Variants in CABP1 observed in about 807,000 individuals in gnomAD.
The protein encoded by CABP1 is calcium binding protein 1, also known as calcium-binding protein 1.
A neutral mutation model predicts 34.3 loss-of-function variants in CABP1; 17 were observed. That is an observed-to-expected ratio of 0.50 (90% CI 0.34 to 0.74). CABP1 has a LOEUF of 0.74. CABP1 is among the 30% of genes least tolerant of loss of function. The pLI is 0.01. For synonymous variants in CABP1, 198 were observed against 229.2 expected (o/e 0.86, Z 1.23); for missense variants, 373 against 511.1 (o/e 0.73, Z 2.61).
In CABP1 at chr12:120,660,345, TC is replaced by T; in HGVS notation, c.829+9del. On this transcript the variant is annotated splice_region_variant and intron_variant, in intron 3 of 5. Transcript: ENST00000316803. The surrounding 1 kb of genome is among the most constrained non-coding windows in gnomAD (Gnocchi z 5.0). ...CCAGCAGATCAACATGAACCGTGAGTCCCTCTACCAGGCATCTGCGTCCCTT... is the reference window on the plus strand; with the variant it reads ...CCAGCAGATCAACATGAACCGTGAGTCCTCTACCAGGCATCTGCGTCCCTT... 6.2e-7 allele frequency: 1 copy of T among 1,611,232 alleles called. No individual in the cohort carries two copies. The highest frequency in any genetic ancestry group is 1.1e-5 in the South Asian group (1 of 91,014).
intron 5 of CABP1, among the ~76,000 whole-genome samples, chr12:120,664,392 A>C (rs1736824667): frequency 1.3e-5 from 2 of 152,194 alleles, no homozygotes; most frequent in South Asian, 4.1e-4. Context: ...CCACCAGGTG[A>C]GAGGGAAGGG....
At chr12:120,678,301 C>T in the CABP1 span, among the ~76,000 whole-genome samples, 1 of 152,174 alleles carries the variant, frequency 6.6e-6, no homozygotes, top group Non-Finnish European at 1.5e-5. Flanking sequence ...AGACACAACC[C>T]TTTTCAGTTT....
At chr12:120,675,990 C>T in the CABP1 span, among the ~76,000 whole-genome samples, 2 of 152,104 alleles carry the variant, frequency 1.3e-5, no homozygotes, top group African/African-American at 2.4e-5. Context: ...GCAGGGGAAT[C>T]GCTTGAACCT....
intron 1 of CABP1, among the ~76,000 whole-genome samples, chr12:120,651,936 T>A (rs473121): frequency 6.6e-6 from 1 of 152,030 alleles, no homozygotes; most frequent in East Asian, 1.9e-4. Flanking sequence ...ATAGGTTCCA[T>A]CCAGAGCTTG....
chr12:120,680,641 A>G, the CABP1 span, among the ~76,000 whole-genome samples: 1 of 151,788 alleles, frequency 6.6e-6, no homozygotes, highest in Non-Finnish European at 1.5e-5. Context: ...GGGGACTGAC[A>G]CTCTTCTCAG....
Position 120,641,407 on chromosome 12 carries a change from C to G in CABP1, c.654+68C>G. On this transcript the variant is annotated intron_variant, in intron 1 of 5. Coordinates refer to ENST00000316803, the MANE Select transcript of CABP1 (RefSeq NM_001033677.2). The surrounding 1 kb of genome is among the most constrained non-coding windows in gnomAD (Gnocchi z 6.7). ...CGGGACCCTGCCGGCCGCGGTTGCG[C>G]GTCCACAGCCTCCTCCCGCGGCCCG... is the stretch of plus-strand genomic sequence containing the variant. 8.1e-7 allele frequency: 1 copy of G among 1,236,944 alleles called. No homozygotes were observed. The allele number at this position is 1,236,944 out of a possible 1,614,324, so 76.6% of individuals were successfully genotyped here. A position where few individuals can be genotyped will look rare whatever the true frequency, so the allele number is the denominator to read the frequency against.
At chr12:120,677,355 T>C in the CABP1 span, among the ~76,000 whole-genome samples, 2 of 149,696 alleles carry the variant, frequency 1.3e-5, no homozygotes, top group Non-Finnish European at 3.0e-5. Context: ...CCTAAAGTGC[T>C]GGGATTACAG....
In CABP1 at chr12:120,656,421, G is replaced by T. The variant is rs11836931; in HGVS notation, c.655-3457G>T. ...TTTCCACTCATGGCTACAAAGTGCTGGTGAGTCCATATCCACGAGCAAAAT... is the reference window on the plus strand; with the variant it reads ...TTTCCACTCATGGCTACAAAGTGCTTGTGAGTCCATATCCACGAGCAAAAT... On this transcript the variant is annotated intron_variant, in intron 1 of 5. Coordinates refer to ENST00000316803, the MANE Select transcript of CABP1 (RefSeq NM_001033677.2). The T allele has an allele frequency of 1.8e-5, 11 of 611,720 alleles. No individual in the cohort carries two copies. The African/African-American group carries it at 2.0e-4, about 11-fold the overall frequency. The allele number at this position is 611,720 out of a possible 1,614,324, so 37.9% of individuals were successfully genotyped here. A position where few individuals can be genotyped will look rare whatever the true frequency, so the allele number is the denominator to read the frequency against.
chr12:120,651,234 T>C (rs1879826140), intron 1 of CABP1, among the ~76,000 whole-genome samples: 1 of 152,208 alleles, frequency 6.6e-6, no homozygotes, highest in East Asian at 1.9e-4. Context: ...GTATCTCAAA[T>C]AGGACCCGAG....
At chr12:120,650,335 G>T in intron 1 of CABP1, 1 of 539,516 alleles carries the variant, frequency 1.9e-6, no homozygotes, top group Non-Finnish European at 3.0e-6. Flanking sequence ...CTCTCCAGGT[G>T]ACTTTCCCTG....
intron 1 of CABP1, chr12:120,655,209 C>T (rs1250470817): frequency 6.5e-6 from 1 of 152,892 alleles, no homozygotes; most frequent in African/African-American, 2.4e-5. Flanking sequence ...AGGAGGATCA[C>T]CTGAGATCAG....
chr12:120,660,714 C>G lies in CABP1; in HGVS notation c.830-17C>G. 1 of 1,574,488 alleles carries G rather than the reference C, an allele frequency of 6.4e-7. No homozygotes were observed. Among genetic ancestry groups the G allele is most frequent in the Non-Finnish European group, 8.7e-7 (1 of 1,143,992 alleles). ...TGGGTATGTCGGGGATGACCTAGCC[C>G]TTTCCTCCTTTTCCAGTGGGTGGCC... On this transcript the variant is annotated splice_polypyrimidine_tract_variant and intron_variant, in intron 3 of 5. Transcript: ENST00000316803. The surrounding 1 kb of genome is among the most constrained non-coding windows in gnomAD (Gnocchi z 5.0).
At chr12:120,652,476 A>T (rs1260624939) in intron 1 of CABP1, among the ~76,000 whole-genome samples, 1 of 152,072 alleles carries the variant, frequency 6.6e-6, no homozygotes, top group Admixed American at 6.6e-5. Context: ...GGACTCAGAG[A>T]TAGAGCCTTC....
At chr12:120,664,529 A>G (rs955374418) in intron 5 of CABP1, among the ~76,000 whole-genome samples, 1 of 152,214 alleles carries the variant, frequency 6.6e-6, no homozygotes, top group African/African-American at 2.4e-5. Flanking sequence ...TAAGTGATGG[A>G]TAAATAAACG....
chr12:120,674,952 C>G, the CABP1 span, among the ~76,000 whole-genome samples: 1 of 151,864 alleles, frequency 6.6e-6, no homozygotes, highest in Non-Finnish European at 1.5e-5. Flanking sequence ...GGTTTCTGAC[C>G]CCAGCTCTGC....
downstream of CABP1, among the ~76,000 whole-genome samples, chr12:120,669,200 G>C (rs1881163589): frequency 6.6e-6 from 1 of 152,226 alleles, no homozygotes; most frequent in African/African-American, 2.4e-5. Flanking sequence ...GTGCAGGATC[G>C]TGGGCCCCAG....
rs188304140 is a variant in CABP1, at chr12:120,661,035, C to A, written c.940-36C>A. Reference sequence around the variant, plus strand: ...GGATCTGCTGCTGCCAATCGCCATGCTGGGGCGACCTCTCCTTCCTTCCTG... The same window carrying A: ...GGATCTGCTGCTGCCAATCGCCATGATGGGGCGACCTCTCCTTCCTTCCTG... On this transcript the variant is annotated intron_variant, in intron 4 of 5. Transcript: ENST00000316803. The surrounding 1 kb of genome is among the most constrained non-coding windows in gnomAD (Gnocchi z 5.1). 154 of 1,601,292 alleles carry A rather than the reference C, an allele frequency of 9.6e-5. No individual in the cohort carries two copies. Among genetic ancestry groups the A allele is most frequent in the Admixed American group, 8.0e-4 (47 of 58,388 alleles).
In CABP1 at chr12:120,660,799, G is replaced by A. The variant is rs1880576606; in HGVS notation, c.898G>A (p.Asp300Asn). 6.2e-7 allele frequency: 1 copy of A among 1,614,024 alleles called. No individual in the cohort carries two copies. The highest frequency in any genetic ancestry group is 2.2e-5 in the East Asian group (1 of 44,876). The change falls in exon 4 of 6, where the codon GAT (aspartate) becomes AAT (asparagine). Residue 300 changes from aspartate to asparagine, a missense_variant. Coordinates refer to ENST00000316803, the MANE Select transcript of CABP1 (RefSeq NM_001033677.2). The surrounding 1 kb of genome is among the most constrained non-coding windows in gnomAD (Gnocchi z 5.0). Reference sequence around the variant, plus strand: ...GCCTAAACTCCTGGCAGAGACAGCAGATATGATTGGTGTAAAGGAACTGCG... The same window carrying A: ...GCCTAAACTCCTGGCAGAGACAGCAAATATGATTGGTGTAAAGGAACTGCG... ...MGPKLLAETA[D>N]MIGVKELRDA...
At chr12:120,655,750 T>C in intron 1 of CABP1, 3 of 1,469,302 alleles carry the variant, frequency 2.0e-6, no homozygotes, top group Non-Finnish European at 2.7e-6. Context: ...TTGGTGAGAA[T>C]AGAAGCCCCC....
Sources: gnomAD v4.1 joint callset for allele counts (sites outside exome capture counted in the v4.1 genomes callset) on GRCh38, gnomAD v4.1.1 for gene constraint, Gnocchi (gnomAD v3.1) non-coding constraint, MANE v1.5 for transcripts, NCBI Gene and HGNC (gene_info 2026-07-23, HGNC 2026-07-21) for gene names.